PTK2: variants seen among roughly 807,000 people sequenced by gnomAD.
PTK2 encodes the protein protein tyrosine kinase 2.
PTK2 carries 45 observed loss-of-function variants against 150.1 expected under a neutral mutation model. That is an observed-to-expected ratio of 0.30 (90% CI 0.24 to 0.38). PTK2 has a LOEUF of 0.38. Among genes scored for constraint, PTK2 ranks in the 10% least tolerant of loss-of-function variants. PTK2 has a pLI of 1.00. For synonymous variants in PTK2, 432 were observed against 449.2 expected (o/e 0.96, Z 0.48); for missense variants, 919 against 1,307.3 (o/e 0.70, Z 4.58).
At chr8:140,933,556 A>G (rs984550839) in intron 1 of PTK2, among the ~76,000 whole-genome samples, 1 of 152,216 alleles carries the variant, frequency 6.6e-6, no homozygotes, top group African/African-American at 2.4e-5. Context: ...ATTGTCAAAT[A>G]TTATTCTGCA....
chr8:140,896,155 T>C (rs1323480716), intron 2 of PTK2, among the ~76,000 whole-genome samples: 1 of 152,182 alleles, frequency 6.6e-6, no homozygotes, highest in Non-Finnish European at 1.5e-5. Flanking sequence ...CAATGTAAAA[T>C]GAAACTAGAC....
intron 2 of PTK2, among the ~76,000 whole-genome samples, chr8:140,911,831 A>G (rs2100163297): frequency 6.6e-6 from 1 of 152,260 alleles, no homozygotes; most frequent in African/African-American, 2.4e-5. Flanking sequence ...CAGTACCTTG[A>G]TAAGAAAACC....
At chr8:140,862,175 C>T (rs2100136583) in intron 5 of PTK2, among the ~76,000 whole-genome samples, 1 of 151,762 alleles carries the variant, frequency 6.6e-6, no homozygotes, top group African/African-American at 2.4e-5. Context: ...GTCACTTAAG[C>T]CTGTATTATG....
At chr8:140,778,571 G>A (rs892890519) in intron 14 of PTK2, among the ~76,000 whole-genome samples, 1 of 152,206 alleles carries the variant, frequency 6.6e-6, no homozygotes, top group African/African-American at 2.4e-5. Flanking sequence ...GCTGTGAGAT[G>A]GAATTGAAAG....
intron 26 of PTK2, among the ~76,000 whole-genome samples, chr8:140,698,958 G>A (rs534782989): frequency 4.2e-5 from 6 of 141,558 alleles, no homozygotes; most frequent in African/African-American, 7.7e-5. Context: ...TAGTAGAGAC[G>A]GGGTTTCACC....
chr8:140,720,218 A>C (rs2100042128), intron 22 of PTK2, among the ~76,000 whole-genome samples: 1 of 152,196 alleles, frequency 6.6e-6, no homozygotes, highest in South Asian at 2.1e-4. Context: ...AAATACCTTT[A>C]TATTTCAATT....
At chr8:140,893,618 GTGGC>G (rs1005314063) in intron 2 of PTK2, among the ~76,000 whole-genome samples, 1 of 152,208 alleles carries the variant, frequency 6.6e-6, no homozygotes, top group Non-Finnish European at 1.5e-5. Context: ...CTGGCTGCCA[GTGGC>G]TGGGGGTAGG....
chr8:140,696,516 G>A (rs2100026688), intron 26 of PTK2, among the ~76,000 whole-genome samples: 1 of 152,108 alleles, frequency 6.6e-6, no homozygotes, highest in South Asian at 2.1e-4. Context: ...CTATTCATAG[G>A]ACAGCCTCCT....
chr8:140,900,805 T>A (rs1319032785), intron 2 of PTK2, among the ~76,000 whole-genome samples: 1 of 151,986 alleles, frequency 6.6e-6, no homozygotes, highest in South Asian at 2.1e-4. Flanking sequence ...TTGGAAAAAT[T>A]AATATTGTTA....
At position 140,950,179 on chromosome 8, in the gene PTK2, G is replaced by A. The variant is rs536129314; in HGVS notation, c.-121-24430C>T. ...CTTCCTGGACACTGGATAAGAACTC[G>A]AGACCTGCCAAATGCAGGGACTGAA... On this transcript the variant is annotated intron_variant, in intron 1 of 31. Transcript: ENST00000522684. 7.9e-5 allele frequency among the ~76,000 whole-genome samples: 12 copies of A among 152,098 alleles called. 1 individual carries two copies. The highest frequency in any genetic ancestry group is 3.9e-4 in the Admixed American group (6 of 15,272).
rs760534448 is a variant in PTK2 at position 140,793,389 on chromosome 8, G to A, written c.1094-5C>T. 2.9e-5 allele frequency: 47 copies of A among 1,608,810 alleles called. No homozygotes were observed. Among genetic ancestry groups the A allele is most frequent in the Non-Finnish European group, 3.7e-5 (44 of 1,178,536 alleles). ...ATGGCAAAGCCCGTTCACCTTCTGC[G>A]GGGAAAAAGAAAAGAGATGCATAAG... On this transcript the variant is annotated splice_region_variant and splice_polypyrimidine_tract_variant and intron_variant, in intron 12 of 31. Coordinates refer to ENST00000522684, the Ensembl canonical transcript of PTK2.
chr8:140,938,981 A>ATTT (rs5895651), intron 1 of PTK2, among the ~76,000 whole-genome samples: 2 of 149,080 alleles, frequency 1.3e-5, no homozygotes, highest in East Asian at 2.0e-4. Flanking sequence ...CATTCTCAGT[A>ATTT]TTTTTTTTTT....
At chr8:140,989,979 C>T (rs993805745) in intron 1 of PTK2, among the ~76,000 whole-genome samples, 1 of 151,114 alleles carries the variant, frequency 6.6e-6, no homozygotes, top group African/African-American at 2.4e-5. Flanking sequence ...AGGCGGTACA[C>T]TATATAAACC....
intron 1 of PTK2, among the ~76,000 whole-genome samples, chr8:140,927,940 G>GAA (rs779534564): frequency 3.0e-4 from 11 of 36,270 alleles, no homozygotes; most frequent in Admixed American, 1.8e-3. Flanking sequence ...ATCTCAAAAA[G>GAA]AAAAAAAAAA....
At chr8:140,890,557 C>A in exon 3 of PTK2, 1 of 1,613,870 alleles carries the variant, frequency 6.2e-7, no homozygotes, top group Non-Finnish European at 8.5e-7. Flanking sequence ...ACATCAGTAG[C>A]ATCTCCATGC....
At chr8:140,934,566 C>T (rs551868988) in intron 1 of PTK2, 6 of 152,344 alleles carry the variant, frequency 3.9e-5, no homozygotes, top group African/African-American at 1.4e-4. Context: ...TACGTCACGC[C>T]TCTGCTCAAG....
rs538363805 is a variant in PTK2, at chr8:140,748,923, A to C, written c.1418-2063T>G. Among the ~76,000 whole-genome samples the C allele has an allele frequency of 1.4e-3, 213 of 152,350 alleles. 1 individual carries two copies. The highest frequency in any genetic ancestry group is 5.0e-3 in the African/African-American group (207 of 41,572). On this transcript the variant is annotated intron_variant, in intron 17 of 31. Coordinates refer to ENST00000522684, the Ensembl canonical transcript of PTK2. The stretch of plus-strand genomic sequence containing the variant: ...TTCACAGACTATAAAAATGGGGAAA[A>C]ATAATTCTGATGCCAAGCAAGGAAA...
intron 1 of PTK2, among the ~76,000 whole-genome samples, chr8:140,929,235 G>T (rs1196030461): frequency 6.6e-6 from 1 of 151,820 alleles, no homozygotes; most frequent in Non-Finnish European, 1.5e-5. Context: ...AAAGTGCTGG[G>T]ATTACAGGCG....
rs759941775 is a variant in PTK2 at position 140,818,830 on chromosome 8, G to A, written c.789+50C>T. On this transcript the variant is annotated intron_variant, in intron 9 of 31. Transcript: ENST00000522684. ...AATTTAGATATACAGCAAGAGACAA[G>A]AAAAAGTAAAATCAAACTAGCCCAC... is the stretch of plus-strand genomic sequence containing the variant. The A allele has an allele frequency of 1.9e-6, 3 of 1,576,436 alleles. No individual in the cohort carries two copies. The Admixed American group carries it at 5.6e-5, about 29-fold the overall frequency.
Sources: allele counts gnomAD v4.1 joint callset (sites outside exome capture counted in the v4.1 genomes callset), GRCh38; gene constraint gnomAD v4.1.1; transcripts MANE v1.5; gene names NCBI Gene and HGNC (gene_info 2026-07-23, HGNC 2026-07-21).